GRIA1: variants seen among roughly 807,000 people sequenced by gnomAD.
The protein encoded by GRIA1 is glutamate ionotropic receptor AMPA type subunit 1, also known as glutamate receptor 1.
A neutral mutation model predicts 99.2 loss-of-function variants in GRIA1; 31 were observed. The observed-to-expected ratio is 0.31, with a 90% CI of 0.23 to 0.42. The LOEUF is 0.42. GRIA1 is among the 10% of genes least tolerant of loss of function. The probability of loss-of-function intolerance (pLI) is 1.00; values close to 1 mark genes in which losing one functional copy is unlikely to be tolerated. For synonymous variants in GRIA1, 438 were observed against 432.4 expected (o/e 1.01, Z -0.16); for missense variants, 782 against 1,157.5 (o/e 0.68, Z 4.71).
intron 11 of GRIA1, among the ~76,000 whole-genome samples, chr5:153,749,464 C>G (rs763336020): frequency 6.6e-6 from 1 of 152,184 alleles, no homozygotes; most frequent in Non-Finnish European, 1.5e-5. Flanking sequence ...GGGCCTCAGG[C>G]TGCTCCCACT....
intron 2 of GRIA1, among the ~76,000 whole-genome samples, chr5:153,638,296 T>A (rs1013064193): frequency 3.9e-5 from 6 of 152,214 alleles, no homozygotes; most frequent in Non-Finnish European, 7.3e-5. Context: ...TAGACATAGA[T>A]CCTTATTTAA....
chr5:153,812,456 G>A lies in GRIA1; in HGVS notation c.*1231G>A, dbSNP rs1407835924. On this transcript the variant is annotated 3_prime_UTR_variant, in exon 16 of 16. Transcript: ENST00000285900. The stretch of plus-strand genomic sequence containing the variant: ...GGTTTTTATGTTAATATAAAGTGTT[G>A]TTTTAGCATGTGGCCAGATGATGCT... 6.6e-6 allele frequency: 1 copy of A among 152,168 alleles called. No homozygotes were observed. Among genetic ancestry groups the A allele is most frequent in the Non-Finnish European group, 1.5e-5 (1 of 68,030 alleles). The allele number at this position is 152,168 out of a possible 1,614,324, so 9.4% of individuals were successfully genotyped here.
At chr5:153,715,704 A>C (rs1381035334) in intron 11 of GRIA1, among the ~76,000 whole-genome samples, 1 of 152,124 alleles carries the variant, frequency 6.6e-6, no homozygotes, top group Non-Finnish European at 1.5e-5. Context: ...GGGCATCTTA[A>C]ATCTTCAACC....
At chr5:153,511,466 C>G (rs1402625532) in intron 2 of GRIA1, among the ~76,000 whole-genome samples, 1 of 152,156 alleles carries the variant, frequency 6.6e-6, no homozygotes, top group Non-Finnish European at 1.5e-5. Flanking sequence ...GCATCTCAAC[C>G]AGTTTTTGTT....
chr5:153,772,115 A>G (rs985163053), intron 13 of GRIA1, among the ~76,000 whole-genome samples: 14 of 152,230 alleles, frequency 9.2e-5, no homozygotes, highest in African/African-American at 3.4e-4. Flanking sequence ...CTTAAGCATA[A>G]TAAATAGATA....
intron 14 of GRIA1, among the ~76,000 whole-genome samples, chr5:153,799,148 C>G (rs1288503787): frequency 1.3e-5 from 2 of 152,214 alleles, no homozygotes; most frequent in East Asian, 1.9e-4. Context: ...AATGGGGTAC[C>G]CTGAGGGGTG....
chr5:153,758,256 C>T (rs1335814907), intron 11 of GRIA1, among the ~76,000 whole-genome samples: 1 of 151,934 alleles, frequency 6.6e-6, no homozygotes, highest in Non-Finnish European at 1.5e-5. Flanking sequence ...AAAGACATAG[C>T]GTGGCTGAAT....
chr5:153,809,276 A>G (rs1186812918), intron 15 of GRIA1, among the ~76,000 whole-genome samples: 2 of 152,120 alleles, frequency 1.3e-5, no homozygotes, highest in Non-Finnish European at 2.9e-5. Flanking sequence ...GGTAGTATTT[A>G]TTTGGCCTTT....
chr5:153,541,951 A>AAC (rs1491310767), intron 2 of GRIA1, among the ~76,000 whole-genome samples: 2 of 137,904 alleles, frequency 1.5e-5, no homozygotes, highest in South Asian at 4.9e-4. Context: ...AAAAAAAAAA[A>AAC]ACAAGAAAAG....
chr5:153,572,673 G>T (rs544584219), intron 2 of GRIA1, among the ~76,000 whole-genome samples: 1 of 152,102 alleles, frequency 6.6e-6, no homozygotes, highest in South Asian at 2.1e-4. Flanking sequence ...TACCCTTATT[G>T]CATGATTTCA....
intron 13 of GRIA1, among the ~76,000 whole-genome samples, chr5:153,770,754 A>G (rs915693580): frequency 2.6e-5 from 4 of 152,186 alleles, no homozygotes; most frequent in African/African-American, 7.2e-5. Flanking sequence ...CCTGCATCCA[A>G]CAACGCTATG....
At chr5:153,641,405 G>A (rs1433743662) in intron 2 of GRIA1, among the ~76,000 whole-genome samples, 1 of 152,176 alleles carries the variant, frequency 6.6e-6, no homozygotes, top group Non-Finnish European at 1.5e-5. Flanking sequence ...AACCAGGAGT[G>A]ATTATCAAAG....
chr5:153,536,846 A>T (rs962951126), intron 2 of GRIA1, among the ~76,000 whole-genome samples: 2 of 152,168 alleles, frequency 1.3e-5, no homozygotes, highest in African/African-American at 4.8e-5. Context: ...CTTCTCCATC[A>T]GTATTGCCAG....
At chr5:153,724,722 A>G (rs1442750119) in intron 11 of GRIA1, among the ~76,000 whole-genome samples, 2 of 152,216 alleles carry the variant, frequency 1.3e-5, no homozygotes, top group African/African-American at 4.8e-5. Context: ...AAATGAACAA[A>G]GCCTCCAAGA....
chr5:153,743,901 C>T (rs1761979582), intron 11 of GRIA1, among the ~76,000 whole-genome samples: 2 of 152,258 alleles, frequency 1.3e-5, no homozygotes, highest in African/African-American at 4.8e-5. Context: ...GCTCATTGGA[C>T]ATATGTGGAG....
At chr5:153,765,233 G>C (rs1468662950) in intron 12 of GRIA1, among the ~76,000 whole-genome samples, 2 of 152,206 alleles carry the variant, frequency 1.3e-5, no homozygotes, top group African/African-American at 4.8e-5. Flanking sequence ...AAGTTCAGCA[G>C]ATGGAGGCCC....
intron 2 of GRIA1, among the ~76,000 whole-genome samples, chr5:153,516,164 G>A (rs1011345267): frequency 6.6e-6 from 1 of 152,098 alleles, no homozygotes; most frequent in Non-Finnish European, 1.5e-5. Context: ...AGATTTCAGT[G>A]AGCCAAGATC....
chr5:153,606,513 T>C (rs1765451656), intron 2 of GRIA1, among the ~76,000 whole-genome samples: 1 of 152,204 alleles, frequency 6.6e-6, no homozygotes, highest in East Asian at 1.9e-4. Flanking sequence ...CAATATTGAG[T>C]CTTCAAATCC....
At chr5:153,499,613 CAAAAAAAAAAA>C (rs70976100) in intron 2 of GRIA1, among the ~76,000 whole-genome samples, 7 of 42,126 alleles carry the variant, frequency 1.7e-4, no homozygotes, top group South Asian at 1.4e-3. Flanking sequence ...GAATTTGTCT[CAAAAAAAAAAA>C]AAAAAAAAAA....
Sources: allele counts gnomAD v4.1 joint callset (sites outside exome capture counted in the v4.1 genomes callset), GRCh38; gene constraint gnomAD v4.1.1; transcripts MANE v1.5; gene names NCBI Gene and HGNC (gene_info 2026-07-23, HGNC 2026-07-21).